ARHGEF4: variants seen among roughly 807,000 people sequenced by gnomAD.
ARHGEF4 encodes the protein APC-stimulated guanine nucleotide exchange factor 1.
In ARHGEF4, 119 loss-of-function variants were observed where a neutral mutation model predicts 162.0. The observed-to-expected ratio is 0.73, with a 90% CI of 0.63 to 0.86. The LOEUF is 0.86. ARHGEF4 is among the 40% of genes least tolerant of loss of function. ARHGEF4 has a pLI of 0.00. For synonymous variants in ARHGEF4, 1,014 were observed against 979.9 expected (o/e 1.03, Z -0.65); for missense variants, 2,488 against 2,456.0 (o/e 1.01, Z -0.28).
chr2:130,859,470 C>T lies in ARHGEF4; in HGVS notation c.39+22478C>T, dbSNP rs1365455745. On this transcript the variant is annotated intron_variant, in intron 1 of 13. Coordinates refer to ENST00000409359, the MANE Select transcript of ARHGEF4 (RefSeq NM_001367493.1). ...ATATACATAAACAGTCCTTACAGGC[C>T]GAGTGTGGTGGCTCATGCTTGTAAT... is the stretch of plus-strand genomic sequence containing the variant. Among the ~76,000 whole-genome samples, 5 of 54,220 alleles carry T rather than the reference C, an allele frequency of 9.2e-5. 1 individual carries two copies. The highest frequency in any genetic ancestry group is 1.9e-4 in the Non-Finnish European group (4 of 20,898). The allele number at this position is 54,220 out of a possible 152,430, so 35.6% of individuals were successfully genotyped here. A position where few individuals can be genotyped will look rare whatever the true frequency, so the allele number is the denominator to read the frequency against.
intron 3 of ARHGEF4, among the ~76,000 whole-genome samples, chr2:130,942,152 C>CT (rs36087462): frequency 0.34 from 44,133 of 129,682 alleles, 10,383 homozygotes; most frequent in African/African-American, 0.69. Context: ...TTTCTTTTTT[C>CT]TTTTTTTTTT....
intron 1 of ARHGEF4, among the ~76,000 whole-genome samples, chr2:130,865,554 A>C (rs751057576): frequency 6.6e-6 from 1 of 152,146 alleles, no homozygotes; most frequent in Non-Finnish European, 1.5e-5. Flanking sequence ...CCTGGCCATT[A>C]GGTATAAAGT....
At chr2:130,961,256 G>A (rs1344163833) in intron 4 of ARHGEF4, among the ~76,000 whole-genome samples, 1 of 152,216 alleles carries the variant, frequency 6.6e-6, no homozygotes, top group East Asian at 1.9e-4. Flanking sequence ...GGCACACCTG[G>A]TCTGCAGGGA....
intron 4 of ARHGEF4, among the ~76,000 whole-genome samples, chr2:130,956,638 C>T (rs1349953783): frequency 1.3e-5 from 2 of 151,226 alleles, no homozygotes. Flanking sequence ...TACTATGCAG[C>T]CATAAAAAAT....
At chr2:130,839,016 C>A (rs577326612) in intron 1 of ARHGEF4, among the ~76,000 whole-genome samples, 25 of 152,240 alleles carry the variant, frequency 1.6e-4, no homozygotes, top group African/African-American at 5.5e-4. Context: ...GCCTCAGGTC[C>A]CTGTAGGTCC....
chr2:130,867,437 C>T (rs1682366195), intron 1 of ARHGEF4, among the ~76,000 whole-genome samples: 1 of 151,916 alleles, frequency 6.6e-6, no homozygotes, highest in African/African-American at 2.4e-5. Context: ...GGGGTTTCAC[C>T]ATGTTGGCCA....
chr2:130,917,823 CTTTTT>C lies in ARHGEF4; in HGVS notation c.3552+338_3552+342del, dbSNP rs72157600. Among the ~76,000 whole-genome samples, 907 of 106,940 alleles carry C rather than the reference CTTTTT, an allele frequency of 8.5e-3. 5 individuals carry two copies. Among genetic ancestry groups the C allele is most frequent in the African/African-American group, 0.03 (857 of 28,786 alleles). 70.2% of individuals were successfully genotyped at this position (106,940 alleles called of 152,430 possible). On this transcript the variant is annotated intron_variant, in intron 2 of 13. Coordinates refer to ENST00000409359, the MANE Select transcript of ARHGEF4 (RefSeq NM_001367493.1). The stretch of plus-strand genomic sequence containing the variant: ...TCTTTTCTTTTCTTTTTCTTTTTTT[CTTTTT>C]TTTTTTTTTTTTGAGACGGAGTCTC...
intron 4 of ARHGEF4, among the ~76,000 whole-genome samples, chr2:130,965,244 T>A (rs991810879): frequency 1.3e-5 from 2 of 152,198 alleles, no homozygotes; most frequent in African/African-American, 4.8e-5. Context: ...TGGGCAGATA[T>A]AGAGCAAGGT....
rs1367402873 is a variant in ARHGEF4, at chr2:130,916,940, T to C, written c.2994T>C (p.Tyr998=). 6.4e-7 allele frequency: 1 copy of C among 1,550,652 alleles called. No homozygotes were observed. Among genetic ancestry groups the C allele is most frequent in the Non-Finnish European group, 8.7e-7 (1 of 1,147,048 alleles). ...CEERAEDKEG[Y]VFSDHWAPPL... The stretch of plus-strand genomic sequence containing the variant: ...AACGGGCGGAGGACAAAGAGGGCTA[T>C]GTTTTTAGCGATCACTGGGCACCCC... Residue 998 remains tyrosine, a synonymous_variant, in exon 2 of 14, where the codon TAT becomes TAC. Transcript: ENST00000409359.
At chr2:130,970,587 C>CAAAAA (rs57254908) in intron 4 of ARHGEF4, among the ~76,000 whole-genome samples, 1 of 116,956 alleles carries the variant, frequency 8.6e-6, no homozygotes, top group African/African-American at 3.2e-5. Context: ...GAAACTCCAT[C>CAAAAA]AAAAAAAAAA....
chr2:130,965,680 C>T (rs1558779713), intron 4 of ARHGEF4, among the ~76,000 whole-genome samples: 1 of 152,340 alleles, frequency 6.6e-6, no homozygotes, highest in East Asian at 1.9e-4. Context: ...GACACCTCCT[C>T]CTTTCTTTCT....
In ARHGEF4 at chr2:130,926,048, C is replaced by CTTTCTTTCTTTCTTTCTTTCTCTTTCTT; in HGVS notation, c.3553-4903_3553-4902insTTCTTTCTTTCTTTCTTTCTCTTTCTTT. On this transcript the variant is annotated intron_variant, in intron 2 of 13. Transcript: ENST00000409359. ...TCTTTCTTTCTTTCTTTCTTTCTTT[C>CTTTCTTTCTTTCTTTCTTTCTCTTTCTT]TCTTTCTTTCTTTCTTTCTTTCTTT... Among the ~76,000 whole-genome samples the CTTTCTTTCTTTCTTTCTTTCTCTTTCTT allele has an allele frequency of 3.6e-4, 19 of 53,440 alleles. No individual in the cohort carries two copies. In the South Asian group the frequency reaches 4.1e-3, roughly 12 times the overall value. 35.1% of individuals were successfully genotyped at this position (53,440 alleles called of 152,430 possible).
intron 1 of ARHGEF4, among the ~76,000 whole-genome samples, chr2:130,888,107 G>A (rs1679630715): frequency 6.6e-6 from 1 of 152,024 alleles, no homozygotes; most frequent in Admixed American, 6.5e-5. Context: ...TAATGTTGCT[G>A]TTAGCTTTGC....
At chr2:131,023,358 A>C (rs1166090051) in intron 4 of ARHGEF4, among the ~76,000 whole-genome samples, 1 of 152,136 alleles carries the variant, frequency 6.6e-6, no homozygotes, top group East Asian at 1.9e-4. Flanking sequence ...CCTTGAGCTC[A>C]GGAGTTTGAG....
Position 130,837,418 on chromosome 2 carries a change from C to T in ARHGEF4, c.39+426C>T, listed in dbSNP as rs531559686. The T allele has an allele frequency of 3.6e-4, 116 of 325,346 alleles. 2 individuals are homozygous for T. The highest frequency in any genetic ancestry group is 2.6e-3 in the South Asian group (115 of 43,528). 20.2% of individuals were successfully genotyped at this position (325,346 alleles called of 1,614,324 possible). A position where few individuals can be genotyped will look rare whatever the true frequency, so the allele number is the denominator to read the frequency against. ...CTGTTTTGGGAAGGAGGGCTGGTGC[C>T]GGCCCGGTGGGTACGGGAGAAGTGG... On this transcript the variant is annotated intron_variant, in intron 1 of 13. Transcript: ENST00000409359.
rs76020654 is a variant in ARHGEF4, at chr2:130,981,673, GA to G, written c.3985+35046del. On this transcript the variant is annotated intron_variant, in intron 4 of 13. Transcript: ENST00000409359. The stretch of plus-strand genomic sequence containing the variant: ...ACTCCATCTCAAAAAAAAAAAAAAA[GA>G]AAAAAAAGAAGTAAAAACAAACAGG... Among the ~76,000 whole-genome samples, 14 of 146,336 alleles carry G rather than the reference GA, an allele frequency of 9.6e-5. 1 individual carries two copies. The South Asian group carries it at 2.6e-3, about 27-fold the overall frequency.
chr2:131,018,659 A>G (rs1272639908), intron 4 of ARHGEF4, among the ~76,000 whole-genome samples: 1 of 152,232 alleles, frequency 6.6e-6, no homozygotes, highest in Admixed American at 6.5e-5. Flanking sequence ...CTTATATCCA[A>G]GAAATTATTT....
Position 131,041,797 on chromosome 2 carries a change from A to G in ARHGEF4, c.4896-18A>G. The G allele has an allele frequency of 6.2e-7, 1 of 1,610,370 alleles. No individual in the cohort carries two copies. Among genetic ancestry groups the G allele is most frequent in the Non-Finnish European group, 8.5e-7 (1 of 1,178,570 alleles). On this transcript the variant is annotated intron_variant, in intron 9 of 13. Coordinates refer to ENST00000409359, the MANE Select transcript of ARHGEF4 (RefSeq NM_001367493.1). The stretch of plus-strand genomic sequence containing the variant: ...TGTCTCCAGCCTGCAGCAGCCTTCC[A>G]TCTCTGTTCTGCCCCAGGGACTTCA...
intron 1 of ARHGEF4, among the ~76,000 whole-genome samples, chr2:130,876,181 T>G (rs1305948786): frequency 6.6e-6 from 1 of 152,184 alleles, no homozygotes; most frequent in African/African-American, 2.4e-5. Flanking sequence ...ATGGCTTGTT[T>G]GCTGTCTGTC....
Sources: gnomAD v4.1 joint callset for allele counts (sites outside exome capture counted in the v4.1 genomes callset) on GRCh38, gnomAD v4.1.1 for gene constraint, MANE v1.5 for transcripts, NCBI Gene and HGNC (gene_info 2026-07-23, HGNC 2026-07-21) for gene names.